ZNF407: variants seen among roughly 807,000 people sequenced by gnomAD.
ZNF407 encodes zinc finger protein 407.
Under a neutral mutation model 131.2 loss-of-function variants are expected in ZNF407, and 17 were observed. The observed-to-expected ratio is 0.13, with a 90% confidence interval of 0.09 to 0.19. ZNF407 has a LOEUF of 0.19. Ranked by LOEUF, ZNF407 falls within the 10% of genes least tolerant of loss-of-function variation. The probability of loss-of-function intolerance (pLI) is 1.00; values close to 1 mark genes in which losing one functional copy is unlikely to be tolerated. For synonymous variants in ZNF407, 1,156 were observed against 1,062.0 expected (o/e 1.09, Z -1.72); for missense variants, 2,681 against 2,830.6 (o/e 0.95, Z 1.20).
intron 3 of ZNF407, among the ~76,000 whole-genome samples, chr18:74,727,766 A>T (rs1316588240): frequency 6.6e-6 from 1 of 152,206 alleles, no homozygotes; most frequent in Non-Finnish European, 1.5e-5. Flanking sequence ...CCTGCAGGTG[A>T]TGGGGTTATT....
chr18:74,691,487 C>T (rs879479434), intron 3 of ZNF407, among the ~76,000 whole-genome samples: 1 of 150,586 alleles, frequency 6.6e-6, no homozygotes, highest in South Asian at 2.1e-4. Flanking sequence ...TTTTATTGAT[C>T]TTTTCAAATA....
At chr18:74,683,257 GACTT>G (rs1192036683) in intron 3 of ZNF407, among the ~76,000 whole-genome samples, 23 of 152,168 alleles carry the variant, frequency 1.5e-4, no homozygotes, top group African/African-American at 5.6e-4. Context: ...GGCAGTCAGA[GACTT>G]ACGCTTTTGA....
intron 4 of ZNF407, among the ~76,000 whole-genome samples, chr18:74,836,030 A>G (rs577341124): frequency 1.3e-5 from 2 of 151,518 alleles, no homozygotes; most frequent in East Asian, 3.9e-4. Context: ...AAAAAGAGGC[A>G]GGAAATTAGG....
intron 3 of ZNF407, among the ~76,000 whole-genome samples, chr18:74,692,362 C>T (rs1363342845): frequency 3.9e-5 from 6 of 151,966 alleles, no homozygotes; most frequent in South Asian, 2.1e-4. Context: ...TGTTTTTCTC[C>T]GTGTTATTGG....
chr18:74,997,810 C>G (rs147258542), intron 8 of ZNF407, among the ~76,000 whole-genome samples: 1 of 152,310 alleles, frequency 6.6e-6, no homozygotes, highest in Non-Finnish European at 1.5e-5. Context: ...TCTACCTCTG[C>G]TTACCCAGCT....
intron 3 of ZNF407, among the ~76,000 whole-genome samples, chr18:74,694,337 A>C (rs1352881317): frequency 1.3e-5 from 2 of 152,162 alleles, no homozygotes; most frequent in Non-Finnish European, 2.9e-5. Context: ...GAAGAAGAAG[A>C]ATCATTCTGG....
intron 3 of ZNF407, among the ~76,000 whole-genome samples, chr18:74,729,989 A>T (rs566723473): frequency 1.3e-5 from 2 of 152,312 alleles, no homozygotes; most frequent in South Asian, 4.1e-4. Context: ...AGTTAATTGT[A>T]ATCTCGTCCA....
At chr18:74,852,083 G>A (rs144992824) in intron 4 of ZNF407, among the ~76,000 whole-genome samples, 249 of 152,194 alleles carry the variant, frequency 1.6e-3, no homozygotes, top group Middle Eastern at 0.014. Flanking sequence ...GGCGCCTACC[G>A]CGGCAGAGAA....
intron 4 of ZNF407, among the ~76,000 whole-genome samples, chr18:74,865,398 T>G (rs1349563957): frequency 6.6e-6 from 1 of 152,240 alleles, no homozygotes; most frequent in African/African-American, 2.4e-5. Flanking sequence ...AAAAAGTCCC[T>G]TTAATTGTTA....
At chr18:74,663,050 T>G (rs1985781371) in intron 3 of ZNF407, among the ~76,000 whole-genome samples, 1 of 152,172 alleles carries the variant, frequency 6.6e-6, no homozygotes, top group African/African-American at 2.4e-5. Flanking sequence ...GGTGGAAGCT[T>G]GTGTTTGGGG....
At chr18:74,616,130 G>A (rs1373175193) in intron 1 of ZNF407, among the ~76,000 whole-genome samples, 3 of 152,192 alleles carry the variant, frequency 2.0e-5, no homozygotes, top group Admixed American at 2.0e-4. Flanking sequence ...ACATTAACCA[G>A]TTTTGCCAGT....
intron 8 of ZNF407, among the ~76,000 whole-genome samples, chr18:75,056,717 A>T (rs1274450638): frequency 6.6e-6 from 1 of 152,220 alleles, no homozygotes; most frequent in African/African-American, 2.4e-5. Context: ...TAAATTCTGG[A>T]GCAATTATTG....
chr18:74,859,242 A>G (rs1970902940), intron 4 of ZNF407, among the ~76,000 whole-genome samples: 1 of 152,250 alleles, frequency 6.6e-6, no homozygotes. Context: ...CTAATTGTTT[A>G]CCATTATAAG....
At chr18:74,912,346 G>A (rs929729573) in intron 7 of ZNF407, among the ~76,000 whole-genome samples, 1 of 152,042 alleles carries the variant, frequency 6.6e-6, no homozygotes, top group Non-Finnish European at 1.5e-5. Context: ...TGTTGGTTCT[G>A]GGTGGGCAGT....
chr18:75,057,743 A>C (rs1973577161), intron 8 of ZNF407, among the ~76,000 whole-genome samples: 1 of 151,952 alleles, frequency 6.6e-6, no homozygotes. Context: ...GAGCACAGAA[A>C]ATGCCATATT....
At chr18:74,638,375 AATGAAT>A (rs1180146925) in intron 2 of ZNF407, among the ~76,000 whole-genome samples, 79 of 112,310 alleles carry the variant, frequency 7.0e-4, no homozygotes, top group African/African-American at 2.2e-3. Context: ...CAGATGAATG[AATGAAT>A]GAATGAATGA....
intron 1 of ZNF407, among the ~76,000 whole-genome samples, chr18:74,616,277 T>G (rs1302586075): frequency 6.6e-6 from 1 of 152,192 alleles, no homozygotes; most frequent in African/African-American, 2.4e-5. Flanking sequence ...CAAAGGAGTT[T>G]GAAACTTCTT....
chr18:74,673,417 C>T (rs1336986415), intron 3 of ZNF407, among the ~76,000 whole-genome samples: 2 of 152,188 alleles, frequency 1.3e-5, no homozygotes, highest in African/African-American at 2.4e-5. Context: ...TGAAATCTCT[C>T]TGGTTGTGAC....
At position 74,890,958 on chromosome 18, in the gene ZNF407, G is replaced by A. The variant is rs1005319231; in HGVS notation, c.5249+920G>A. ...CATCTTGGGAGGTCATGGATGTTCA[G>A]TGCACTCACTTGCATCCGCAGTGGC... On this transcript the variant is annotated intron_variant, in intron 7 of 8. Transcript: ENST00000299687. Among the ~76,000 whole-genome samples, 7 of 152,350 alleles carry A rather than the reference G, an allele frequency of 4.6e-5. No homozygotes were observed. The South Asian group carries it at 6.2e-4, about 14-fold the overall frequency.
Sources: gnomAD v4.1 joint callset for allele counts (sites outside exome capture counted in the v4.1 genomes callset) on GRCh38, gnomAD v4.1.1 for gene constraint, MANE v1.5 for transcripts, NCBI Gene and HGNC (gene_info 2026-07-23, HGNC 2026-07-21) for gene names.